Variants in SLC30A8 observed in about 807,000 individuals in gnomAD.
The protein encoded by SLC30A8 is solute carrier family 30 member 8.
Under a neutral mutation model 36.9 loss-of-function variants are expected in SLC30A8, and 27 were observed. The observed-to-expected ratio is 0.73, with a 90% CI of 0.54 to 1.01. The LOEUF (loss-of-function observed/expected upper bound fraction) is 1.01, where lower values mean the gene tolerates loss of function less well. Among genes scored for constraint, SLC30A8 ranks in the 50% least tolerant of loss-of-function variants. SLC30A8 has a pLI of 0.00. For synonymous variants in SLC30A8, 164 were observed against 172.4 expected (o/e 0.95, Z 0.38); for missense variants, 439 against 452.0 (o/e 0.97, Z 0.26).
chr8:117,050,211 A>G (rs1477083780), intron 2 of SLC30A8, among the ~76,000 whole-genome samples: 1 of 152,024 alleles, frequency 6.6e-6, no homozygotes, highest in Non-Finnish European at 1.5e-5. Flanking sequence ...CTGCTTGATC[A>G]CGTCTAGTGT....
chr8:117,092,412 G>GA lies in SLC30A8; in HGVS notation c.-225-42857dup, dbSNP rs1052434561. Among the ~76,000 whole-genome samples, 926 of 144,266 alleles carry GA rather than the reference G, an allele frequency of 6.4e-3. 6 individuals carry two copies. The highest frequency in any genetic ancestry group is 0.016 in the South Asian group (72 of 4,556). 94.6% of individuals were successfully genotyped at this position (144,266 alleles called of 152,430 possible). On this transcript the variant is annotated intron_variant, in intron 2 of 10. Coordinates refer to the SLC30A8 transcript ENST00000427715. ...TGAGTTAAGAGAGAAGACATGGAAG[G>GA]AAAAAAAAAAACCCTTTGGATCTTA...
At chr8:116,966,774 TAAG>T (rs1814613713) in intron 1 of SLC30A8, among the ~76,000 whole-genome samples, 1 of 152,076 alleles carries the variant, frequency 6.6e-6, no homozygotes, top group Non-Finnish European at 1.5e-5. Flanking sequence ...ACCAGGGAAA[TAAG>T]AGAGGAGGAT....
chr8:117,086,135 T>C (rs764211137), intron 2 of SLC30A8, among the ~76,000 whole-genome samples: 1 of 152,194 alleles, frequency 6.6e-6, no homozygotes, highest in African/African-American at 2.4e-5. Context: ...AGTGTAGGTA[T>C]GTTACAGTTG....
intron 4 of SLC30A8, among the ~76,000 whole-genome samples, chr8:117,160,403 TTGTGTGTGTGTG>T (rs71569723): frequency 2.0e-4 from 29 of 145,912 alleles, no homozygotes; most frequent in Admixed American, 7.5e-4. Context: ...AATTTTCCAC[TTGTGTGTGTGTG>T]TGTGTGTGTG....
intron 2 of SLC30A8, among the ~76,000 whole-genome samples, chr8:117,102,373 T>G (rs926076197): frequency 1.3e-5 from 2 of 152,198 alleles, no homozygotes; most frequent in African/African-American, 4.8e-5. Context: ...TATTACATAA[T>G]TCTTTTATTA....
chr8:117,099,249 T>C (rs946937614), intron 2 of SLC30A8, among the ~76,000 whole-genome samples: 11 of 152,144 alleles, frequency 7.2e-5, no homozygotes, highest in African/African-American at 2.7e-4. Flanking sequence ...ATGTCTAGAT[T>C]TGTCATTGCC....
intron 2 of SLC30A8, among the ~76,000 whole-genome samples, chr8:117,107,862 A>T (rs1381246964): frequency 7.9e-5 from 12 of 152,186 alleles, no homozygotes; most frequent in African/African-American, 1.4e-4. Flanking sequence ...TTTTTATGGC[A>T]AAGTATTGTA....
chr8:116,958,841 ATTTTTTTTT>A (rs758505118), intron 1 of SLC30A8, among the ~76,000 whole-genome samples: 16 of 60,030 alleles, frequency 2.7e-4, no homozygotes, highest in African/African-American at 6.2e-4. Context: ...TGCTCTTTTC[ATTTTTTTTT>A]TTTTTTTTTT....
chr8:117,135,387 C>A lies in SLC30A8; in HGVS notation c.60C>A (p.Phe20Leu). 1.3e-6 allele frequency: 2 copies of A among 1,597,888 alleles called. No individual in the cohort carries two copies. Among genetic ancestry groups the A allele is most frequent in the Non-Finnish European group, 1.7e-6 (2 of 1,170,150 alleles). The change falls in exon 1 of 8, where the codon TTC (phenylalanine) becomes TTA (leucine). Residue 20 changes from phenylalanine to leucine, a missense_variant. Transcript: ENST00000456015. Reference protein sequence around the residue: ...VNDKAAKMYAFTLESVELQQK... With the variant: ...VNDKAAKMYALTLESVELQQK... Reference sequence around the variant, plus strand: ...ATAAAGCTGCCAAGATGTATGCTTTCACACTAGAAAGGTAATAGATGTCTG... The same window carrying A: ...ATAAAGCTGCCAAGATGTATGCTTTAACACTAGAAAGGTAATAGATGTCTG...
At chr8:117,000,816 T>C (rs1458973278) in intron 1 of SLC30A8, among the ~76,000 whole-genome samples, 1 of 152,152 alleles carries the variant, frequency 6.6e-6, no homozygotes, top group African/African-American at 2.4e-5. Flanking sequence ...CTTGGGTAAG[T>C]TACATAACCT....
At chr8:117,141,900 TA>T (rs1283677290) in intron 1 of SLC30A8, among the ~76,000 whole-genome samples, 1 of 152,194 alleles carries the variant, frequency 6.6e-6, no homozygotes, top group Non-Finnish European at 1.5e-5. Flanking sequence ...ATGAATTAGC[TA>T]AAAATCTCTC....
chr8:117,126,261 T>C (rs1192750025), intron 2 of SLC30A8, among the ~76,000 whole-genome samples: 3 of 152,050 alleles, frequency 2.0e-5, no homozygotes, highest in Admixed American at 2.0e-4. Context: ...GCTGGTTTTA[T>C]GTATGAAGTA....
intron 1 of SLC30A8, among the ~76,000 whole-genome samples, chr8:117,000,039 G>T (rs1393376995): frequency 1.3e-5 from 2 of 152,174 alleles, no homozygotes; most frequent in Non-Finnish European, 2.9e-5. Flanking sequence ...CTTTGAGGAC[G>T]TGCTTCCACT....
intron 1 of SLC30A8, among the ~76,000 whole-genome samples, chr8:117,013,313 G>A (rs566085959): frequency 6.6e-5 from 10 of 152,132 alleles, no homozygotes; most frequent in Admixed American, 5.9e-4. Flanking sequence ...TCTGTTATCT[G>A]TCTCTACTGC....
intron 1 of SLC30A8, among the ~76,000 whole-genome samples, chr8:117,026,277 A>T (rs1050671773): frequency 6.6e-6 from 1 of 152,150 alleles, no homozygotes; most frequent in African/African-American, 2.4e-5. Flanking sequence ...CAATAAGGGG[A>T]TATTTTAGGG....
chr8:117,126,676 G>C (rs981504871), intron 2 of SLC30A8, among the ~76,000 whole-genome samples: 4 of 152,006 alleles, frequency 2.6e-5, no homozygotes, highest in Non-Finnish European at 5.9e-5. Context: ...TGTGGAAAGA[G>C]CTGAAGCCCC....
intron 1 of SLC30A8, among the ~76,000 whole-genome samples, chr8:117,003,471 A>G (rs1184600318): frequency 6.6e-6 from 1 of 152,236 alleles, no homozygotes; most frequent in Admixed American, 6.5e-5. Context: ...GTATGGTAAG[A>G]TATTGATACC....
At chr8:117,164,522 C>T (rs1428291154) in intron 6 of SLC30A8, among the ~76,000 whole-genome samples, 1 of 152,006 alleles carries the variant, frequency 6.6e-6, no homozygotes, top group East Asian at 1.9e-4. Context: ...TGCAGTGAGC[C>T]GAGATGGCAC....
chr8:117,039,559 A>C (rs992101435), intron 2 of SLC30A8, among the ~76,000 whole-genome samples: 1 of 152,180 alleles, frequency 6.6e-6, no homozygotes, highest in Non-Finnish European at 1.5e-5. Flanking sequence ...TACTTTATAC[A>C]GACAGTCTTG....
Sources: allele counts gnomAD v4.1 joint callset (sites outside exome capture counted in the v4.1 genomes callset), GRCh38; gene constraint gnomAD v4.1.1; transcripts MANE v1.5; gene names NCBI Gene and HGNC (gene_info 2026-07-23, HGNC 2026-07-21).